SPICE1: variants seen among roughly 807,000 people sequenced by gnomAD.
SPICE1 encodes spindle and centriole-associated protein 1.
Under a neutral mutation model 102.7 loss-of-function variants are expected in SPICE1, and 75 were observed. The observed-to-expected ratio is 0.73, with a 90% CI of 0.61 to 0.88. The LOEUF (loss-of-function observed/expected upper bound fraction) is 0.88, where lower values mean the gene tolerates loss of function less well. Ranked by LOEUF, SPICE1 falls within the 40% of genes least tolerant of loss-of-function variation. The pLI is 0.00. For missense variants in SPICE1, 979 were observed against 1,020.1 expected (o/e 0.96, Z 0.55); for synonymous variants, 308 against 350.3 (o/e 0.88, Z 1.35).
At chr3:113,490,888 TCTC>T (rs1393986680) in intron 6 of SPICE1, among the ~76,000 whole-genome samples, 1 of 152,014 alleles carries the variant, frequency 6.6e-6, no homozygotes, top group Non-Finnish European at 1.5e-5. Context: ...CTATCCCTAT[TCTC>T]CTCTATTTCC....
chr3:113,454,051 C>G, intron 13 of SPICE1, 101 bp from the exon 14 acceptor site: 1 of 1,157,194 alleles, frequency 8.6e-7, no homozygotes, highest in Non-Finnish European at 1.2e-6. Flanking sequence ...AAAAGTATTT[C>G]AGTAGAAGGG....
chr3:113,444,718 A>G lies in SPICE1; in HGVS notation c.*589T>C, dbSNP rs1014297135. On this transcript the variant is annotated 3_prime_UTR_variant, in exon 18 of 18. Coordinates refer to ENST00000295872, the MANE Select transcript of SPICE1 (RefSeq NM_144718.4). Reference sequence around the variant, plus strand: ...ACATTTAAAAACTACATAAGATTTTATAATAAATGCAACCACTCTTACCTG... The same window carrying G: ...ACATTTAAAAACTACATAAGATTTTGTAATAAATGCAACCACTCTTACCTG... 1 of 152,214 alleles carries G rather than the reference A, an allele frequency of 6.6e-6. No individual in the cohort carries two copies. Among genetic ancestry groups the G allele is most frequent in the African/African-American group, 2.4e-5 (1 of 41,456 alleles). The allele number at this position is 152,214 out of a possible 1,614,324, so 9.4% of individuals were successfully genotyped here. A position where few individuals can be genotyped will look rare whatever the true frequency, so the allele number is the denominator to read the frequency against.
chr3:113,514,567 T>C, intron 1 of SPICE1: 2 of 448,682 alleles, frequency 4.5e-6, no homozygotes, highest in Non-Finnish European at 8.9e-6. Flanking sequence ...TCACACACAG[T>C]TGCAACCATT....
chr3:113,499,317 G>T, intron 4 of SPICE1, 122 bp downstream of exon 4: 2 of 1,105,392 alleles, frequency 1.8e-6, no homozygotes, highest in Admixed American at 3.0e-5. Context: ...TCCACATGTA[G>T]ATTATTGAAT....
intron 1 of SPICE1, 75 bp downstream of exon 1, chr3:113,514,822 G>A: frequency 1.6e-6 from 2 of 1,258,672 alleles, no homozygotes; most frequent in Non-Finnish European, 2.1e-6. Flanking sequence ...GCTCCCGAAA[G>A]CGGTGCGCAC....
intron 6 of SPICE1, among the ~76,000 whole-genome samples, chr3:113,492,836 TC>T (rs1369512378): frequency 6.6e-6 from 1 of 152,146 alleles, no homozygotes; most frequent in Non-Finnish European, 1.5e-5. Context: ...CCCTGCTGTC[TC>T]CATAATGATC....
chr3:113,448,118 C>T lies in SPICE1; in HGVS notation c.2346G>A (p.Glu782=), dbSNP rs1350883354. The change falls in exon 16 of 18, where the codon GAG becomes GAA. Residue 782 remains glutamate (E), a synonymous_variant. Transcript: ENST00000295872. ...GGGCTTCTGCTCCTGGAATAGATAC[C>T]TCAATTGTCCTCTTTGCTCCTTCTA... is the stretch of plus-strand genomic sequence containing the variant. The part of the protein sequence containing the change: ...AWTEGAKRTI[E]VSIPGAEAPE... The T allele has an allele frequency of 1.2e-6, 2 of 1,609,830 alleles. No individual in the cohort carries two copies. Among genetic ancestry groups the T allele is most frequent in the Non-Finnish European group, 1.7e-6 (2 of 1,177,924 alleles).
chr3:113,457,479 C>T (rs1377333623), intron 12 of SPICE1, 122 bp from the exon 13 acceptor site: 2 of 924,330 alleles, frequency 2.2e-6, no homozygotes, highest in Non-Finnish European at 3.2e-6. Context: ...AACATAGCTC[C>T]TGGAGCCTTC....
intron 11 of SPICE1, among the ~76,000 whole-genome samples, chr3:113,464,208 G>A (rs1377560914): frequency 1.3e-5 from 2 of 151,294 alleles, no homozygotes; most frequent in Non-Finnish European, 2.9e-5. Flanking sequence ...GGACTTAATG[G>A]TATGTGAACT....
intron 4 of SPICE1, among the ~76,000 whole-genome samples, chr3:113,496,666 T>C (rs1936897456): frequency 6.6e-6 from 1 of 152,204 alleles, no homozygotes; most frequent in African/African-American, 2.4e-5. Context: ...TTTCTCTTAA[T>C]TTATGTTAAT....
chr3:113,472,482 T>C (rs1936229527), intron 7 of SPICE1, among the ~76,000 whole-genome samples: 1 of 152,194 alleles, frequency 6.6e-6, no homozygotes, highest in Non-Finnish European at 1.5e-5. Flanking sequence ...GATTGCCTCC[T>C]CAAGTGGGTC....
chr3:113,468,967 C>A (rs1936129427), intron 8 of SPICE1, 68 bp from the exon 9 acceptor site: 2 of 1,568,560 alleles, frequency 1.3e-6, no homozygotes, highest in Admixed American at 1.9e-5. Context: ...TTTCAATTGA[C>A]AGATCCATCA....
chr3:113,444,047 C>T lies in SPICE1; in HGVS notation c.*1260G>A, dbSNP rs985871983. 3 of 152,114 alleles carry T rather than the reference C, an allele frequency of 2.0e-5. No homozygotes were observed. The highest frequency in any genetic ancestry group is 7.2e-5 in the African/African-American group (3 of 41,410). The allele number at this position is 152,114 out of a possible 1,614,324, so 9.4% of individuals were successfully genotyped here. ...GCTTTCTGGGGCATACTGGAGAAGTCATATGTTATCAAAATATATGAGTCT... is the reference window on the plus strand; with the variant it reads ...GCTTTCTGGGGCATACTGGAGAAGTTATATGTTATCAAAATATATGAGTCT... On this transcript the variant is annotated 3_prime_UTR_variant, in exon 18 of 18. Coordinates refer to ENST00000295872, the MANE Select transcript of SPICE1 (RefSeq NM_144718.4).
At chr3:113,513,999 T>C (rs564710400) in intron 1 of SPICE1, among the ~76,000 whole-genome samples, 3 of 152,358 alleles carry the variant, frequency 2.0e-5, no homozygotes, top group South Asian at 2.1e-4. Context: ...ACTAACTCTA[T>C]GCAGTAAGTA....
Position 113,489,032 on chromosome 3 carries a change from C to T in SPICE1, c.524G>A (p.Gly175Glu), listed in dbSNP as rs777850200. Residue 175 changes from glycine (G) to glutamate (E), a missense_variant, in exon 7 of 18, where the codon GGA becomes GAA. Physicochemically the swap from Gly to Glu is moderately conservative, Grantham distance 98 (BLOSUM62 -2). Coordinates refer to ENST00000295872, the MANE Select transcript of SPICE1 (RefSeq NM_144718.4). ...TTCTCCTGACTGGCTATTAACAGTT[C>T]CTTCTTCTTCACCATCTACATCATT... ...ALNDVDGEEE[G>E]TVNSQSGESE... 3 of 1,612,906 alleles carry T rather than the reference C, an allele frequency of 1.9e-6. No homozygotes were observed. Among genetic ancestry groups the T allele is most frequent in the Non-Finnish European group, 2.5e-6 (3 of 1,179,106 alleles).
chr3:113,502,479 T>C (rs935899530), intron 3 of SPICE1, among the ~76,000 whole-genome samples: 4 of 151,970 alleles, frequency 2.6e-5, no homozygotes, highest in Non-Finnish European at 5.9e-5. Context: ...TGCCACAAAC[T>C]GGGAAGAACT....
At chr3:113,480,563 C>T (rs928368889) in intron 7 of SPICE1, among the ~76,000 whole-genome samples, 2 of 152,066 alleles carry the variant, frequency 1.3e-5, no homozygotes, top group Non-Finnish European at 1.5e-5. Context: ...TATTAGGAAA[C>T]TCATAACATA....
chr3:113,457,185 T>C lies in SPICE1; in HGVS notation c.1608A>G (p.Leu536=). 1 of 1,614,200 alleles carries C rather than the reference T, an allele frequency of 6.2e-7. No individual in the cohort carries two copies. Among genetic ancestry groups the C allele is most frequent in the Non-Finnish European group, 8.5e-7 (1 of 1,180,032 alleles). The change falls in exon 13 of 18, where the codon TTA becomes TTG. Residue 536 remains leucine (L), a synonymous_variant. Transcript: ENST00000295872. ...AGTTGCTCTTCTGCCTGGGTGGTGT[T>C]AACAACACAGCTGGCTCAAAAATAT... The part of the protein sequence containing the change: ...PAHIFEPAVL[L]TPPRQKSNLK...
At position 113,442,846 on chromosome 3, in the gene SPICE1, ATTAC is replaced by A. The variant is rs1935415710; in HGVS notation, c.*2457_*2460del. The A allele has an allele frequency of 6.6e-6, 1 of 152,174 alleles. No homozygotes were observed. The highest frequency in any genetic ancestry group is 1.5e-5 in the Non-Finnish European group (1 of 68,014). 9.4% of individuals were successfully genotyped at this position (152,174 alleles called of 1,614,324 possible). A position where few individuals can be genotyped will look rare whatever the true frequency, so the allele number is the denominator to read the frequency against. ...GCTTAAAAAAATGATTATCCTTGCTATTACTTATTAAATGGTATATCTAGGTGCC... is the reference window on the plus strand; with the variant it reads ...GCTTAAAAAAATGATTATCCTTGCTATTATTAAATGGTATATCTAGGTGCC... On this transcript the variant is annotated 3_prime_UTR_variant, in exon 18 of 18. Coordinates refer to ENST00000295872, the MANE Select transcript of SPICE1 (RefSeq NM_144718.4).
Sources: gnomAD v4.1 joint callset for allele counts (sites outside exome capture counted in the v4.1 genomes callset) on GRCh38, gnomAD v4.1.1 for gene constraint, MANE v1.5 for transcripts, NCBI Gene and HGNC (gene_info 2026-07-23, HGNC 2026-07-21) for gene names.